NCOR1: variants seen among roughly 807,000 people sequenced by gnomAD.
The protein encoded by NCOR1 is nuclear receptor corepressor 1.
A neutral mutation model predicts 288.1 loss-of-function variants in NCOR1; 63 were observed. The ratio of observed to expected loss-of-function variants is 0.22; its 90% CI spans 0.18 to 0.27. NCOR1 has a LOEUF of 0.27. NCOR1 is among the 10% of genes least tolerant of loss of function. NCOR1 has a pLI of 1.00. For synonymous variants in NCOR1, 1,007 were observed against 1,065.9 expected (o/e 0.94, Z 1.08); for missense variants, 2,397 against 3,019.2 (o/e 0.79, Z 4.83).
chr17:16,106,883 ATTTTTT>A (rs144246158), intron 19 of NCOR1, among the ~76,000 whole-genome samples: 1 of 31,402 alleles, frequency 3.2e-5, no homozygotes, highest in African/African-American at 1.4e-4. Flanking sequence ...ATATATATAT[ATTTTTT>A]TTTTTTTTTT....
intron 11 of NCOR1, among the ~76,000 whole-genome samples, chr17:16,142,003 A>G (rs2077228662): frequency 6.6e-6 from 1 of 152,200 alleles, no homozygotes; most frequent in South Asian, 2.1e-4. Flanking sequence ...TAAATAATAC[A>G]TATGAGGTGC....
At chr17:16,096,635 G>C (rs1229878660) in intron 21 of NCOR1, among the ~76,000 whole-genome samples, 1 of 151,946 alleles carries the variant, frequency 6.6e-6, no homozygotes, top group Non-Finnish European at 1.5e-5. Flanking sequence ...TTCTTAACTG[G>C]AAATGACCGT....
rs1388963397 is a variant in NCOR1, at chr17:16,061,852, T to C, written c.5430A>G (p.Pro1810=). 3.7e-6 allele frequency: 6 copies of C among 1,613,160 alleles called. No homozygotes were observed. The highest frequency in any genetic ancestry group is 1.6e-4 in the Middle Eastern group (1 of 6,076). The change falls in exon 37 of 46, where the codon CCA becomes CCG. Residue 1810 remains proline, a synonymous_variant. Coordinates refer to ENST00000268712, the MANE Select transcript of NCOR1 (RefSeq NM_006311.4). ...AGGPSISQGL[P]ASRYNTAADA... ...CCGCAGCAGTGTTGTAACGGGAGGC[T>C]GGCAGGCCTTGGCTTATTGAAGGGC... is the stretch of plus-strand genomic sequence containing the variant.
At chr17:16,037,567 C>T (rs1419723776) in intron 44 of NCOR1, among the ~76,000 whole-genome samples, 1 of 152,188 alleles carries the variant, frequency 6.6e-6, no homozygotes, top group Middle Eastern at 3.2e-3. Context: ...GCCTTCTTTA[C>T]TGGCCTCAGA....
rs1420124309 is a variant in NCOR1, at chr17:16,029,635, T to C, written c.*2661A>G. On this transcript the variant is annotated 3_prime_UTR_variant, in exon 46 of 46. Coordinates refer to ENST00000268712, the MANE Select transcript of NCOR1 (RefSeq NM_006311.4). Reference sequence around the variant, plus strand: ...CTGAAATCTAAGTCTACAAAGAATATCATGTTTTGGTTTGCAGTGAACCAC... The same window carrying C: ...CTGAAATCTAAGTCTACAAAGAATACCATGTTTTGGTTTGCAGTGAACCAC... The C allele has an allele frequency of 5.8e-6, 1 of 172,730 alleles. No homozygotes were observed. The highest frequency in any genetic ancestry group is 1.2e-5 in the Non-Finnish European group (1 of 80,310). 10.7% of individuals were successfully genotyped at this position (172,730 alleles called of 1,614,324 possible). A position where few individuals can be genotyped will look rare whatever the true frequency, so the allele number is the denominator to read the frequency against.
chr17:16,144,827 C>T (rs1472474977), intron 10 of NCOR1, among the ~76,000 whole-genome samples: 2 of 151,656 alleles, frequency 1.3e-5, no homozygotes, highest in Admixed American at 6.6e-5. Context: ...TCCCGCTTTC[C>T]ACGGTCTCCC....
intron 41 of NCOR1, among the ~76,000 whole-genome samples, chr17:16,047,918 G>A (rs2058857477): frequency 6.6e-6 from 1 of 152,192 alleles, no homozygotes; most frequent in Non-Finnish European, 1.5e-5. Flanking sequence ...AAACGTAGGG[G>A]AAAGATGTAA....
At chr17:16,087,084 G>A (rs2064357253) in intron 22 of NCOR1, 1 of 949,066 alleles carries the variant, frequency 1.1e-6, no homozygotes, top group South Asian at 1.5e-5. Flanking sequence ...CGTCCTGGAA[G>A]AGCAGTTCAT....
intron 21 of NCOR1, among the ~76,000 whole-genome samples, chr17:16,094,514 T>C (rs1246768992): frequency 6.6e-6 from 1 of 151,976 alleles, no homozygotes; most frequent in African/African-American, 2.4e-5. Context: ...AAAGAAAAAT[T>C]GAGAGTGTTG....
At chr17:16,122,625 C>G (rs2073223715) in intron 15 of NCOR1, 1 of 152,330 alleles carries the variant, frequency 6.6e-6, no homozygotes, top group East Asian at 1.9e-4. Context: ...TCCTCTCATC[C>G]TTTCTTTTGG....
chr17:16,094,078 T>G (rs530459801), intron 21 of NCOR1, among the ~76,000 whole-genome samples: 33 of 152,130 alleles, frequency 2.2e-4, no homozygotes, highest in Admixed American at 8.5e-4. Context: ...TTTTTTGTTT[T>G]TTTTTGGAGA....
intron 45 of NCOR1, among the ~76,000 whole-genome samples, chr17:16,034,502 G>C (rs566157991): frequency 4.1e-4 from 63 of 152,110 alleles, no homozygotes; most frequent in African/African-American, 1.3e-3. Flanking sequence ...CAGCTACTTG[G>C]GTCGCTCAGG....
chr17:16,151,203 T>TC (rs1284122144), intron 8 of NCOR1, among the ~76,000 whole-genome samples: 9 of 119,504 alleles, frequency 7.5e-5, no homozygotes, highest in Non-Finnish European at 1.9e-4. Context: ...AAGTATAATT[T>TC]TTTTTTTAAA....
intron 21 of NCOR1, among the ~76,000 whole-genome samples, chr17:16,092,683 ATATATATATATATTT>A (rs2065534691): frequency 5.6e-5 from 1 of 17,830 alleles, no homozygotes; most frequent in Non-Finnish European, 9.1e-5. Flanking sequence ...ATATATATAT[ATATATATATATATTT>A]TTTTTTTTTT....
chr17:16,127,574 T>TACAC (rs1568205827), intron 14 of NCOR1, among the ~76,000 whole-genome samples: 4 of 137,998 alleles, frequency 2.9e-5, no homozygotes, highest in African/African-American at 1.2e-4. Flanking sequence ...TGTATGTATA[T>TACAC]ATACATATGT....
At chr17:16,057,217 CACCACTGAAGTGTCCCCAA>C in intron 40 of NCOR1, 1 of 328,630 alleles carries the variant, frequency 3.0e-6, no homozygotes, top group South Asian at 3.6e-5. Context: ...TATTCGGAAG[CACCACTGAAGTGTCCCCAA>C]ACCACTACCA....
At chr17:16,206,837 GA>G (rs2091569241) in intron 1 of NCOR1, among the ~76,000 whole-genome samples, 1 of 152,016 alleles carries the variant, frequency 6.6e-6, no homozygotes, top group Non-Finnish European at 1.5e-5. Context: ...GACAAACACA[GA>G]AAAGAAAACT....
At chr17:16,095,405 C>T (rs1469331915) in intron 21 of NCOR1, among the ~76,000 whole-genome samples, 4 of 150,748 alleles carry the variant, frequency 2.7e-5, no homozygotes, top group East Asian at 2.0e-4. Flanking sequence ...GGGGGTCAGC[C>T]CCCGCCAGGC....
At chr17:16,054,288 A>C (rs2059666071) in intron 40 of NCOR1, among the ~76,000 whole-genome samples, 1 of 151,904 alleles carries the variant, frequency 6.6e-6, no homozygotes, top group South Asian at 2.1e-4. Flanking sequence ...TGGGAGAAAA[A>C]TTTTGCAAAC....
Sources: allele counts gnomAD v4.1 joint callset (sites outside exome capture counted in the v4.1 genomes callset), GRCh38; gene constraint gnomAD v4.1.1; transcripts MANE v1.5; gene names NCBI Gene and HGNC (gene_info 2026-07-23, HGNC 2026-07-21).